LRRC7: variants seen among roughly 807,000 people sequenced by gnomAD.
LRRC7 encodes leucine rich repeat containing 7.
A neutral mutation model predicts 175.7 loss-of-function variants in LRRC7; 23 were observed. The observed-to-expected ratio is 0.13, with a 90% CI of 0.09 to 0.19. The LOEUF is 0.19. Ranked by LOEUF, LRRC7 falls within the 10% of genes least tolerant of loss-of-function variation. The pLI, the probability that LRRC7 is intolerant of heterozygous loss-of-function variation, is 1.00. For synonymous variants in LRRC7, 685 were observed against 680.9 expected, an observed-to-expected ratio of 1.01 and a Z score of -0.09; for missense variants, 1,354 against 1,904.7, an observed-to-expected ratio of 0.71 and a Z score of 5.38.
Position 69,637,006 on chromosome 1 carries a change from G to A in LRRC7, c.3-41375G>A, listed in dbSNP as rs555925748. Among the ~76,000 whole-genome samples the A allele has an allele frequency of 5.3e-5, 8 of 151,522 alleles. No individual in the cohort carries two copies. In the East Asian group the frequency reaches 1.6e-3, roughly 30 times the overall value. On this transcript the variant is annotated intron_variant, in intron 1 of 26. Transcript: ENST00000651989. ...CATATTGCCCTTGTTGTGTTCTTTG[G>A]TATAAAAGTTACAGTGACTTCGTAT...
At chr1:70,072,636 A>G (rs1227578258) in intron 23 of LRRC7, among the ~76,000 whole-genome samples, 2 of 151,834 alleles carry the variant, frequency 1.3e-5, no homozygotes, top group African/African-American at 4.8e-5. Flanking sequence ...ATGACTTTAC[A>G]GCATGTTCTT....
intron 8 of LRRC7, among the ~76,000 whole-genome samples, chr1:69,962,093 G>C (rs777588087): frequency 6.6e-6 from 1 of 151,894 alleles, no homozygotes; most frequent in Non-Finnish European, 1.5e-5. Flanking sequence ...CTATGCATCC[G>C]ACAAAAGTCT....
intron 11 of LRRC7, among the ~76,000 whole-genome samples, chr1:70,000,670 A>G (rs983952076): frequency 6.6e-6 from 1 of 152,110 alleles, no homozygotes; most frequent in African/African-American, 2.4e-5. Flanking sequence ...CCTCTACCTG[A>G]AATATTCTTT....
intron 8 of LRRC7, among the ~76,000 whole-genome samples, chr1:69,942,978 C>T (rs567347770): frequency 1.2e-4 from 19 of 152,056 alleles, no homozygotes; most frequent in Admixed American, 4.6e-4. Context: ...AGTTTTTTTG[C>T]GATTTTTTTT....
intron 7 of LRRC7, among the ~76,000 whole-genome samples, chr1:69,875,735 A>G (rs973053847): frequency 1.3e-5 from 2 of 152,088 alleles, no homozygotes; most frequent in African/African-American, 2.4e-5. Flanking sequence ...AGGTAAAATG[A>G]TAATAAGATG....
intron 7 of LRRC7, 79 bp from the exon 8 acceptor site, chr1:69,931,428 C>G: frequency 4.5e-6 from 5 of 1,118,922 alleles, no homozygotes; most frequent in Non-Finnish European, 6.7e-6. Flanking sequence ...GTAAATCTGA[C>G]AGGAAGGTGG....
In LRRC7 at chr1:69,972,700, A is replaced by G. The variant is rs372481856; in HGVS notation, c.712-7679A>G. On this transcript the variant is annotated intron_variant, in intron 8 of 26. Transcript: ENST00000651989. The stretch of plus-strand genomic sequence containing the variant: ...GTAAACCAGTACAACCACTATGGAA[A>G]ACAGTGTGGTGATTCCTTAAAGAGC... 5.9e-5 allele frequency among the ~76,000 whole-genome samples: 9 copies of G among 152,150 alleles called. No individual in the cohort carries two copies. In the East Asian group the frequency reaches 1.5e-3, roughly 26 times the overall value.
chr1:69,728,860 A>G (rs1667258330), intron 2 of LRRC7, among the ~76,000 whole-genome samples: 1 of 152,200 alleles, frequency 6.6e-6, no homozygotes, highest in Non-Finnish European at 1.5e-5. Context: ...ATCCATTCTC[A>G]CACTGCTAAT....
intron 8 of LRRC7, among the ~76,000 whole-genome samples, chr1:69,965,882 A>G (rs1007006140): frequency 1.3e-5 from 2 of 152,200 alleles, no homozygotes; most frequent in Non-Finnish European, 2.9e-5. Flanking sequence ...TCCACCAAGT[A>G]CTATGAAATT....
chr1:69,615,080 A>G (rs985164302), intron 1 of LRRC7, among the ~76,000 whole-genome samples: 1 of 152,078 alleles, frequency 6.6e-6, no homozygotes, highest in Non-Finnish European at 1.5e-5. Context: ...CCATGCAATT[A>G]TCTCTGCTTT....
intron 7 of LRRC7, among the ~76,000 whole-genome samples, chr1:69,846,215 TCA>T (rs1376601879): frequency 2.0e-5 from 3 of 152,128 alleles, no homozygotes; most frequent in African/African-American, 7.2e-5. Flanking sequence ...TTCCATAGAC[TCA>T]CAAAGAAAAC....
In LRRC7 at chr1:70,123,322, C is replaced by T. The variant is rs760147091; in HGVS notation, c.*1435C>T. The T allele has an allele frequency of 6.6e-6, 1 of 152,062 alleles. No homozygotes were observed. Among genetic ancestry groups the T allele is most frequent in the Non-Finnish European group, 1.5e-5 (1 of 67,968 alleles). 9.4% of individuals were successfully genotyped at this position (152,062 alleles called of 1,614,324 possible). On this transcript the variant is annotated 3_prime_UTR_variant, in exon 27 of 27. Coordinates refer to ENST00000651989, the MANE Select transcript of LRRC7 (RefSeq NM_001370785.2). Reference sequence around the variant, plus strand: ...GTTCTTTTGTTATATAATGAATTTACTTTACATGCTAGTGTTTCAAGTATT... The same window carrying T: ...GTTCTTTTGTTATATAATGAATTTATTTTACATGCTAGTGTTTCAAGTATT...
intron 8 of LRRC7, among the ~76,000 whole-genome samples, chr1:69,952,006 G>A (rs1394853232): frequency 6.6e-6 from 1 of 151,930 alleles, no homozygotes; most frequent in African/African-American, 2.4e-5. Flanking sequence ...ATGTGACTGA[G>A]CTAGATAAAT....
At chr1:69,598,862 A>C (rs1418008) in intron 1 of LRRC7, among the ~76,000 whole-genome samples, 1 of 152,132 alleles carries the variant, frequency 6.6e-6, no homozygotes, top group Non-Finnish European at 1.5e-5. Context: ...AAATATTTCT[A>C]CTGAACATTA....
intron 1 of LRRC7, among the ~76,000 whole-genome samples, chr1:69,588,834 A>G (rs532455455): frequency 1.3e-5 from 2 of 152,280 alleles, no homozygotes; most frequent in Admixed American, 1.3e-4. Flanking sequence ...AAAAATCTAT[A>G]ACTGATATCA....
At chr1:69,603,451 A>C (rs1201519659) in intron 1 of LRRC7, among the ~76,000 whole-genome samples, 1 of 152,170 alleles carries the variant, frequency 6.6e-6, no homozygotes, top group Non-Finnish European at 1.5e-5. Context: ...TTTGCAAATA[A>C]TTTAGTATGT....
intron 1 of LRRC7, among the ~76,000 whole-genome samples, chr1:69,620,127 A>C (rs1650324752): frequency 6.6e-6 from 1 of 152,216 alleles, no homozygotes; most frequent in Non-Finnish European, 1.5e-5. Flanking sequence ...ATGATAAGCC[A>C]GCTATCTTAC....
rs1391063102 is a variant in LRRC7, at chr1:70,039,564, G to C, written c.3740G>C (p.Ser1247Thr). The C allele has an allele frequency of 6.2e-7, 1 of 1,613,998 alleles. No homozygotes were observed. Among genetic ancestry groups the C allele is most frequent in the Non-Finnish European group, 8.5e-7 (1 of 1,180,022 alleles). Reference sequence around the variant, plus strand: ...TCTGCGAGAAGCTACAGTACAGAGAGTTACGGTGCCTCCCAAACCAGGCCA... The same window carrying C: ...TCTGCGAGAAGCTACAGTACAGAGACTTACGGTGCCTCCCAAACCAGGCCA... ...PLSARSYSTE[S>T]YGASQTRPVS... Residue 1247 changes from serine (S) to threonine (T), a missense_variant, in exon 21 of 27, where the codon AGT becomes ACT. Transcript: ENST00000651989.
intron 15 of LRRC7, among the ~76,000 whole-genome samples, chr1:70,019,341 C>G (rs550390254): frequency 6.6e-6 from 1 of 152,084 alleles, no homozygotes; most frequent in South Asian, 2.1e-4. Context: ...ACCAATATCC[C>G]TAAATCCTTT....
Sources: gnomAD v4.1 joint callset for allele counts (sites outside exome capture counted in the v4.1 genomes callset) on GRCh38, gnomAD v4.1.1 for gene constraint, MANE v1.5 for transcripts, NCBI Gene and HGNC (gene_info 2026-07-23, HGNC 2026-07-21) for gene names.